Variants in CDK6 observed in about 807,000 individuals in gnomAD.
The protein encoded by CDK6 is cyclin-dependent kinase 6.
Under a neutral mutation model 37.1 loss-of-function variants are expected in CDK6, and 6 were observed. That is an observed-to-expected ratio of 0.16 (90% CI 0.09 to 0.32). The LOEUF (loss-of-function observed/expected upper bound fraction) is 0.32, where lower values mean the gene tolerates loss of function less well. Among genes scored for constraint, CDK6 ranks in the 10% least tolerant of loss-of-function variants. CDK6 has a pLI of 1.00. For synonymous variants in CDK6, 160 were observed against 161.3 expected (o/e 0.99, Z 0.06); for missense variants, 224 against 418.9 (o/e 0.53, Z 4.06).
At chr7:92,823,410 A>C (rs1801224453) in intron 2 of CDK6, among the ~76,000 whole-genome samples, 1 of 149,546 alleles carries the variant, frequency 6.7e-6, no homozygotes, top group South Asian at 2.1e-4. Context: ...GAATTAGCAG[A>C]ATGTTACCAC....
At chr7:92,641,534 A>G (rs1209523435) in intron 5 of CDK6, among the ~76,000 whole-genome samples, 1 of 152,244 alleles carries the variant, frequency 6.6e-6, no homozygotes, top group Non-Finnish European at 1.5e-5. Context: ...ACAAGATACT[A>G]TAGACTTATA....
At chr7:92,673,626 T>C (rs1585388304) in intron 4 of CDK6, among the ~76,000 whole-genome samples, 1 of 152,218 alleles carries the variant, frequency 6.6e-6, no homozygotes, top group South Asian at 2.1e-4. Flanking sequence ...GTCACATCTA[T>C]ACTGCACCAC....
intron 3 of CDK6, among the ~76,000 whole-genome samples, chr7:92,742,603 C>A (rs1383053528): frequency 2.0e-5 from 3 of 152,280 alleles, no homozygotes; most frequent in South Asian, 2.1e-4. Flanking sequence ...CATACACACA[C>A]AACCTTAGAC....
chr7:92,648,677 C>T (rs373361055), intron 5 of CDK6, among the ~76,000 whole-genome samples: 7 of 152,140 alleles, frequency 4.6e-5, no homozygotes, highest in African/African-American at 1.7e-4. Context: ...CAGTTCAATA[C>T]GTATTGGATG....
intron 4 of CDK6, among the ~76,000 whole-genome samples, chr7:92,676,131 T>A (rs75882441): frequency 0.041 from 6,262 of 152,036 alleles, 375 homozygotes; most frequent in East Asian, 0.33. Context: ...GTTGAGTTTT[T>A]TTTTGAGTTA....
At chr7:92,728,317 T>C (rs1211758932) in intron 3 of CDK6, among the ~76,000 whole-genome samples, 1 of 152,228 alleles carries the variant, frequency 6.6e-6, no homozygotes, top group Non-Finnish European at 1.5e-5. Context: ...GTCTGTCTTT[T>C]AAAAATTACG....
chr7:92,757,634 T>C (rs1799347871), intron 3 of CDK6, among the ~76,000 whole-genome samples: 1 of 152,194 alleles, frequency 6.6e-6, no homozygotes, highest in Non-Finnish European at 1.5e-5. Context: ...TGTGTCTTTA[T>C]GGTAGAATGA....
chr7:92,724,804 ATTAT>A (rs1188358538), intron 4 of CDK6, among the ~76,000 whole-genome samples: 4 of 152,032 alleles, frequency 2.6e-5, no homozygotes, highest in East Asian at 3.8e-4. Context: ...TTTGCTATAT[ATTAT>A]TTATTTAATT....
intron 3 of CDK6, among the ~76,000 whole-genome samples, chr7:92,750,651 T>C (rs1799167305): frequency 6.6e-6 from 1 of 152,176 alleles, no homozygotes. Context: ...TGAATTTACG[T>C]CACAATGTGG....
intron 3 of CDK6, among the ~76,000 whole-genome samples, chr7:92,768,380 T>C (rs753232038): frequency 2.6e-4 from 40 of 152,228 alleles, no homozygotes; most frequent in Non-Finnish European, 4.7e-4. Flanking sequence ...GCATCACTGA[T>C]CTATGAGGTC....
intron 4 of CDK6, among the ~76,000 whole-genome samples, chr7:92,686,149 CT>C (rs1219895493): frequency 6.6e-6 from 1 of 152,112 alleles, no homozygotes; most frequent in Non-Finnish European, 1.5e-5. Flanking sequence ...ACTGAAAGTA[CT>C]TTTTTCTCAT....
intron 2 of CDK6, among the ~76,000 whole-genome samples, chr7:92,828,292 GTCAT>G (rs1801383267): frequency 6.6e-6 from 1 of 152,122 alleles, no homozygotes; most frequent in Non-Finnish European, 1.5e-5. Flanking sequence ...TTATCGTTAT[GTCAT>G]TCATTCCTGG....
chr7:92,797,927 G>A (rs946339467), intron 2 of CDK6, among the ~76,000 whole-genome samples: 2 of 152,202 alleles, frequency 1.3e-5, no homozygotes, highest in Non-Finnish European at 2.9e-5. Context: ...GTTAACACTG[G>A]AGGTGCTCCA....
intron 5 of CDK6, among the ~76,000 whole-genome samples, chr7:92,627,768 A>G (rs1229642090): frequency 6.6e-6 from 1 of 152,104 alleles, no homozygotes; most frequent in Non-Finnish European, 1.5e-5. Context: ...GAATTGTACT[A>G]TTTATATTGG....
At chr7:92,756,803 T>C (rs1194700407) in intron 3 of CDK6, among the ~76,000 whole-genome samples, 1 of 152,162 alleles carries the variant, frequency 6.6e-6, no homozygotes, top group Non-Finnish European at 1.5e-5. Flanking sequence ...TCCATTTCAA[T>C]TGGGCAAGAA....
Position 92,684,807 on chromosome 7 carries a change from G to A in CDK6, c.538-13272C>T, listed in dbSNP as rs968888765. Among the ~76,000 whole-genome samples, 6 of 152,130 alleles carry A rather than the reference G, an allele frequency of 3.9e-5. No homozygotes were observed. In the South Asian group the frequency reaches 8.3e-4, roughly 21 times the overall value. ...AGAGAAGGAAAATACACAATTTAGG[G>A]AACCTAAATACTATGACCCACCATT... On this transcript the variant is annotated intron_variant, in intron 4 of 7. Transcript: ENST00000424848.
intron 2 of CDK6, among the ~76,000 whole-genome samples, chr7:92,801,021 TA>T (rs1470557483): frequency 6.6e-6 from 1 of 152,222 alleles, no homozygotes; most frequent in African/African-American, 2.4e-5. Context: ...AAAATCATTA[TA>T]AAGCTTCCAA....
chr7:92,797,712 A>G (rs946015257), intron 2 of CDK6, among the ~76,000 whole-genome samples: 7 of 152,240 alleles, frequency 4.6e-5, no homozygotes, highest in Admixed American at 2.6e-4. Flanking sequence ...GGTTTGTTAG[A>G]AGAACTTCTA....
intron 4 of CDK6, among the ~76,000 whole-genome samples, chr7:92,701,195 C>T (rs887253665): frequency 3.9e-5 from 6 of 152,176 alleles, no homozygotes; most frequent in Non-Finnish European, 7.4e-5. Context: ...TGGGATCAAG[C>T]GCCCAGGTAG....
Sources: gnomAD v4.1 joint callset for allele counts (sites outside exome capture counted in the v4.1 genomes callset) on GRCh38, gnomAD v4.1.1 for gene constraint, MANE v1.5 for transcripts, NCBI Gene and HGNC (gene_info 2026-07-23, HGNC 2026-07-21) for gene names.